SV2B: variants seen among roughly 807,000 people sequenced by gnomAD.
SV2B encodes solute carrier family 22 member B2.
A neutral mutation model predicts 73.9 loss-of-function variants in SV2B; 41 were observed. That is an observed-to-expected ratio of 0.56 (90% CI 0.43 to 0.72). The LOEUF (loss-of-function observed/expected upper bound fraction) is 0.72. Ranked by LOEUF, SV2B falls within the 30% of genes least tolerant of loss-of-function variation. The pLI is 0.00. For synonymous variants in SV2B, 314 were observed against 314.2 expected, an observed-to-expected ratio of 1.00 and a Z score of 0.01; for missense variants, 764 against 857.8, an observed-to-expected ratio of 0.89 and a Z score of 1.37.
At chr15:91,147,081 C>T (rs1178123902) in intron 1 of SV2B, among the ~76,000 whole-genome samples, 1 of 152,192 alleles carries the variant, frequency 6.6e-6, no homozygotes, top group Non-Finnish European at 1.5e-5. Context: ...TTTATGTCTC[C>T]AGTGCCTAGT....
At chr15:91,111,159 C>T (rs189739468) in intron 1 of SV2B, among the ~76,000 whole-genome samples, 146 of 152,276 alleles carry the variant, frequency 9.6e-4, no homozygotes, top group Middle Eastern at 3.4e-3. Flanking sequence ...TGCAGCATCT[C>T]GGGGCACTAC....
intron 1 of SV2B, among the ~76,000 whole-genome samples, chr15:91,120,823 AAAAG>A (rs1391733396): frequency 3.6e-4 from 54 of 151,284 alleles, no homozygotes; most frequent in Non-Finnish European, 7.1e-4. Flanking sequence ...AAAAAAAAAA[AAAAG>A]AAAGAAAAAG....
intron 1 of SV2B, among the ~76,000 whole-genome samples, chr15:91,187,112 A>G (rs1295668248): frequency 6.6e-6 from 1 of 152,188 alleles, no homozygotes; most frequent in East Asian, 1.9e-4. Context: ...AGGCAGTAAC[A>G]TTTCACGGGT....
At chr15:91,158,733 C>CCTCTCCTCTT (rs1555473916) in intron 1 of SV2B, among the ~76,000 whole-genome samples, 1 of 53,568 alleles carries the variant, frequency 1.9e-5, no homozygotes, top group Non-Finnish European at 3.8e-5. Context: ...CCTCTCTTCT[C>CCTCTCCTCTT]CTCTTTTTTC....
chr15:91,150,462 T>A (rs938798173), intron 1 of SV2B, among the ~76,000 whole-genome samples: 2 of 152,232 alleles, frequency 1.3e-5, no homozygotes, highest in Admixed American at 1.3e-4. Context: ...TTCAGGTAGC[T>A]GCTAATATCT....
At chr15:91,225,445 A>C (rs1477615112) in intron 1 of SV2B, among the ~76,000 whole-genome samples, 2 of 152,266 alleles carry the variant, frequency 1.3e-5, no homozygotes, top group African/African-American at 4.8e-5. Flanking sequence ...GTTCTAACAG[A>C]AAATCCATAA....
At chr15:91,164,831 GC>G (rs1162546760) in intron 1 of SV2B, among the ~76,000 whole-genome samples, 1 of 152,206 alleles carries the variant, frequency 6.6e-6, no homozygotes, top group Non-Finnish European at 1.5e-5. Flanking sequence ...ACAGTGGAGA[GC>G]CATGCAAGAC....
intron 1 of SV2B, among the ~76,000 whole-genome samples, chr15:91,138,886 A>C (rs1176268742): frequency 6.6e-6 from 1 of 152,212 alleles, no homozygotes; most frequent in Non-Finnish European, 1.5e-5. Context: ...ACAATGAATA[A>C]AAAAGAGATA....
chr15:91,237,133 G>T (rs1161069386), intron 2 of SV2B, among the ~76,000 whole-genome samples: 1 of 152,114 alleles, frequency 6.6e-6, no homozygotes, highest in Non-Finnish European at 1.5e-5. Flanking sequence ...AAATGACAAG[G>T]TTCTGGAGAG....
At chr15:91,147,476 T>A (rs781690702) in intron 1 of SV2B, among the ~76,000 whole-genome samples, 17 of 152,226 alleles carry the variant, frequency 1.1e-4, no homozygotes, top group Non-Finnish European at 1.8e-4. Context: ...TTTTTCCTGC[T>A]TTCAGAGACC....
At chr15:91,178,220 C>T (rs1332181254) in intron 1 of SV2B, among the ~76,000 whole-genome samples, 1 of 151,434 alleles carries the variant, frequency 6.6e-6, no homozygotes, top group Admixed American at 6.6e-5. Context: ...GTTGAACCAG[C>T]CTTGCATCCC....
intron 9 of SV2B, among the ~76,000 whole-genome samples, chr15:91,269,487 CCCCATATT>C (rs2048222690): frequency 6.6e-6 from 1 of 152,198 alleles, no homozygotes. Context: ...ACATTAACTG[CCCCATATT>C]TACCACTTCA....
chr15:91,284,077 C>T lies in SV2B; in HGVS notation c.1564C>T (p.Gln522Ter). 6.2e-7 allele frequency: 1 copy of T among 1,614,166 alleles called. No homozygotes were observed. Among genetic ancestry groups the T allele is most frequent in the Non-Finnish European group, 8.5e-7 (1 of 1,180,042 alleles). The change falls in exon 11 of 13, where the codon CAG becomes TAG. Residue 522 changes from glutamine (Q) to a stop codon, truncating the protein, a stop_gained. Transcript: ENST00000394232. LOFTEE classifies it high-confidence loss of function. The surrounding 1 kb of genome is among the most constrained non-coding windows in gnomAD (Gnocchi z 4.5). Reference sequence around the variant, plus strand: ...GTTTATCAACTCCACCTTCCTGGAGCAGAAGGAGGGCTGCCACATGGACTT... The same window carrying T: ...GTTTATCAACTCCACCTTCCTGGAGTAGAAGGAGGGCTGCCACATGGACTT... ...CRFINSTFLE[Q>*]KEGCHMDLEQ...
intron 1 of SV2B, among the ~76,000 whole-genome samples, chr15:91,119,422 G>T (rs1393534801): frequency 6.6e-6 from 1 of 152,146 alleles, no homozygotes; most frequent in African/African-American, 2.4e-5. Context: ...CCCACTCCTG[G>T]CTCTGATTGT....
chr15:91,102,181 C>A (rs12913299), intron 1 of SV2B: 83,801 of 151,970 alleles, frequency 0.55, 23,992 homozygotes, highest in African/African-American at 0.62. Context: ...TGATGGGTGA[C>A]GAAAAATGAT....
chr15:91,125,570 A>G (rs978738625), intron 1 of SV2B, among the ~76,000 whole-genome samples: 1 of 151,718 alleles, frequency 6.6e-6, no homozygotes, highest in Non-Finnish European at 1.5e-5. Flanking sequence ...CCAGGAGTTC[A>G]AGACCAGCTT....
chr15:91,282,285 A>G (rs980366819), intron 10 of SV2B, among the ~76,000 whole-genome samples: 3 of 152,256 alleles, frequency 2.0e-5, no homozygotes, highest in African/African-American at 7.2e-5. Flanking sequence ...TGTTCTCACA[A>G]TAATAAATGG....
At chr15:91,169,512 A>T (rs1039248462) in intron 1 of SV2B, among the ~76,000 whole-genome samples, 2 of 147,464 alleles carry the variant, frequency 1.4e-5, no homozygotes, top group African/African-American at 2.5e-5. Context: ...CAGCTGAGCT[A>T]GGAGACCCTT....
chr15:91,215,706 A>G (rs529892109), intron 1 of SV2B, among the ~76,000 whole-genome samples: 1 of 152,256 alleles, frequency 6.6e-6, no homozygotes, highest in East Asian at 1.9e-4. Context: ...TCATTCAAAA[A>G]CATGTTTCTT....
Sources: gnomAD v4.1 joint callset for allele counts (sites outside exome capture counted in the v4.1 genomes callset) on GRCh38, gnomAD v4.1.1 for gene constraint, Gnocchi (gnomAD v3.1) non-coding constraint, MANE v1.5 for transcripts, NCBI Gene and HGNC (gene_info 2026-07-23, HGNC 2026-07-21) for gene names.